Variants in GALNT13 observed in about 807,000 individuals in gnomAD.
GALNT13 encodes polypeptide N-acetylgalactosaminyltransferase 13.
In GALNT13, 28 loss-of-function variants were observed where a neutral mutation model predicts 64.2. The ratio of observed to expected loss-of-function variants is 0.44; its 90% CI spans 0.32 to 0.60. The LOEUF is 0.60. GALNT13 is among the 20% of genes least tolerant of loss of function. The pLI, the probability that GALNT13 is intolerant of heterozygous loss-of-function variation, is 0.05. For synonymous variants in GALNT13, 214 were observed against 224.6 expected (o/e 0.95, Z 0.42); for missense variants, 577 against 669.8 (o/e 0.86, Z 1.53).
intron 3 of GALNT13, among the ~76,000 whole-genome samples, chr2:154,018,843 G>A (rs1037647903): frequency 1.1e-4 from 16 of 151,730 alleles, no homozygotes; most frequent in African/African-American, 3.9e-4. Context: ...GAAAGGATGA[G>A]AGAGGAGGAG....
At chr2:153,116,377 A>T in the GALNT13 span, among the ~76,000 whole-genome samples, 2 of 152,198 alleles carry the variant, frequency 1.3e-5, no homozygotes, top group Non-Finnish European at 2.9e-5. Flanking sequence ...ATATTTAATG[A>T]ACTGACTAGA....
At chr2:153,888,300 C>G (rs887744077) in intron 1 of GALNT13, among the ~76,000 whole-genome samples, 3 of 151,876 alleles carry the variant, frequency 2.0e-5, no homozygotes, top group African/African-American at 7.2e-5. Flanking sequence ...ACTTCCTCAG[C>G]TCCAAGAACA....
At chr2:153,120,026 G>A in the GALNT13 span, among the ~76,000 whole-genome samples, 6 of 152,278 alleles carry the variant, frequency 3.9e-5, no homozygotes, top group Admixed American at 1.3e-4. Context: ...AACTAAGACA[G>A]TGATGTTTAT....
intron 8 of GALNT13, among the ~76,000 whole-genome samples, chr2:154,264,112 A>G (rs1252673217): frequency 1.3e-5 from 2 of 152,154 alleles, no homozygotes; most frequent in South Asian, 2.1e-4. Context: ...CATTGAAGAG[A>G]TATACAGAGG....
the GALNT13 span, among the ~76,000 whole-genome samples, chr2:153,302,812 A>C: frequency 6.6e-6 from 1 of 152,102 alleles, no homozygotes; most frequent in South Asian, 2.1e-4. Flanking sequence ...CCTTTCCTAA[A>C]TGTGTGTTCT....
intron 8 of GALNT13, among the ~76,000 whole-genome samples, chr2:154,283,798 G>T (rs1409369079): frequency 2.0e-5 from 3 of 151,894 alleles, no homozygotes. Flanking sequence ...ACAAACTATA[G>T]AATTGAGAAC....
At chr2:153,092,354 TC>T in the GALNT13 span, among the ~76,000 whole-genome samples, 4 of 152,176 alleles carry the variant, frequency 2.6e-5, no homozygotes, top group Non-Finnish European at 5.9e-5. Context: ...CATTTTAGGA[TC>T]TTTTTTTCTA....
At chr2:153,216,840 A>C in the GALNT13 span, among the ~76,000 whole-genome samples, 1 of 151,814 alleles carries the variant, frequency 6.6e-6, no homozygotes, top group South Asian at 2.1e-4. Flanking sequence ...TTTGTTGGTC[A>C]TGTTTTGGTG....
chr2:153,684,608 CT>C, the GALNT13 span, among the ~76,000 whole-genome samples: 1 of 151,412 alleles, frequency 6.6e-6, no homozygotes, highest in Middle Eastern at 3.2e-3. Context: ...GATTGATTTC[CT>C]TGTTGATGGT....
At chr2:153,719,731 C>A in the GALNT13 span, among the ~76,000 whole-genome samples, 1 of 151,942 alleles carries the variant, frequency 6.6e-6, no homozygotes, top group African/African-American at 2.4e-5. Flanking sequence ...TCACTCCCAC[C>A]CGAATATTGC....
chr2:153,283,997 G>A, the GALNT13 span, among the ~76,000 whole-genome samples: 4,193 of 152,186 alleles, frequency 0.028, 69 homozygotes, highest in Middle Eastern at 0.044. Context: ...GGGTGGCTGC[G>A]AATGCTCTAA....
the GALNT13 span, among the ~76,000 whole-genome samples, chr2:153,170,458 G>A: frequency 7.9e-5 from 12 of 152,246 alleles, no homozygotes; most frequent in African/African-American, 2.6e-4. Context: ...AAGAAGAAAT[G>A]TATATATGGA....
rs113645625 is a variant in GALNT13 at position 154,382,920 on chromosome 2, T to G, written c.1157-13071T>G. ...TCAAAATCACCCTGGTACAGAAATGTAGATAGGAGAAATGGCAAGTGCAGA... is the reference window on the plus strand; with the variant it reads ...TCAAAATCACCCTGGTACAGAAATGGAGATAGGAGAAATGGCAAGTGCAGA... On this transcript the variant is annotated intron_variant, in intron 9 of 12. Transcript: ENST00000392825. Among the ~76,000 whole-genome samples, 175 of 152,024 alleles carry G rather than the reference T, an allele frequency of 1.2e-3. 1 individual carries two copies. Among genetic ancestry groups the G allele is most frequent in the African/African-American group, 4.1e-3 (169 of 41,512 alleles).
intron 3 of GALNT13, among the ~76,000 whole-genome samples, chr2:153,998,443 T>G (rs1374592696): frequency 6.6e-6 from 1 of 152,202 alleles, no homozygotes; most frequent in East Asian, 1.9e-4. Flanking sequence ...AAGGTCTTCT[T>G]TTGAGAAGTG....
At chr2:154,369,096 A>G (rs1010638653) in intron 9 of GALNT13, among the ~76,000 whole-genome samples, 26 of 151,274 alleles carry the variant, frequency 1.7e-4, no homozygotes, top group Non-Finnish European at 3.1e-4. Context: ...AATAAGTACA[A>G]TTCTGGAAAA....
At chr2:153,988,366 T>C (rs1694944580) in intron 3 of GALNT13, among the ~76,000 whole-genome samples, 1 of 151,952 alleles carries the variant, frequency 6.6e-6, no homozygotes, top group African/African-American at 2.4e-5. Flanking sequence ...CCATTCTACT[T>C]TCTACTTCCA....
the GALNT13 span, among the ~76,000 whole-genome samples, chr2:153,824,446 G>C: frequency 6.6e-6 from 1 of 152,068 alleles, no homozygotes; most frequent in African/African-American, 2.4e-5. Context: ...ATTATATCCA[G>C]CATAATATCA....
chr2:153,831,506 C>G, the GALNT13 span, among the ~76,000 whole-genome samples: 2 of 152,126 alleles, frequency 1.3e-5, no homozygotes, highest in Admixed American at 1.3e-4. Flanking sequence ...CTTGTAGCAG[C>G]CACTGTATCC....
chr2:153,903,618 T>C (rs552335071), intron 2 of GALNT13, among the ~76,000 whole-genome samples: 125 of 152,118 alleles, frequency 8.2e-4, no homozygotes, highest in Non-Finnish European at 1.6e-3. Flanking sequence ...TTATTAATAG[T>C]ACTGTGTCTT....
Sources: allele counts gnomAD v4.1 joint callset (sites outside exome capture counted in the v4.1 genomes callset), GRCh38; gene constraint gnomAD v4.1.1; transcripts MANE v1.5; gene names NCBI Gene and HGNC (gene_info 2026-07-23, HGNC 2026-07-21).